The following DLGAP2 variants were observed in gnomAD, a reference collection of about 807,000 sequenced individuals.
DLGAP2 encodes the protein disks large-associated protein 2.
Under a neutral mutation model 100.3 loss-of-function variants are expected in DLGAP2, and 26 were observed. The observed-to-expected ratio is 0.26, with a 90% CI of 0.19 to 0.36. The LOEUF (loss-of-function observed/expected upper bound fraction) is 0.36. Among genes scored for constraint, DLGAP2 ranks in the 10% least tolerant of loss-of-function variants. DLGAP2 has a pLI of 1.00. For missense variants in DLGAP2, 1,858 were observed against 1,453.2 expected, an observed-to-expected ratio of 1.28 and a Z score of -4.53; for synonymous variants, 886 against 630.1, an observed-to-expected ratio of 1.41 and a Z score of -6.08.
In DLGAP2 at chr8:1,707,222, A is replaced by G. The variant is rs1033519334; in HGVS notation, c.*5816A>G. Reference sequence around the variant, plus strand: ...ATCCAAGCTTTCACCTACTCAATGGAGGAGAGGTGATAATGAATGAAAAGA... The same window carrying G: ...ATCCAAGCTTTCACCTACTCAATGGGGGAGAGGTGATAATGAATGAAAAGA... On this transcript the variant is annotated 3_prime_UTR_variant, in exon 15 of 15. Transcript: ENST00000637795. The G allele has an allele frequency of 6.6e-6, 1 of 152,582 alleles. No homozygotes were observed. The highest frequency in any genetic ancestry group is 2.4e-5 in the African/African-American group (1 of 41,428). 9.5% of individuals were successfully genotyped at this position (152,582 alleles called of 1,614,324 possible).
At chr8:748,961 G>A (rs1221199979) in intron 1 of DLGAP2, among the ~76,000 whole-genome samples, 26 of 152,200 alleles carry the variant, frequency 1.7e-4, no homozygotes, top group Non-Finnish European at 2.2e-4. Flanking sequence ...GTATCTGGTG[G>A]TATAACGGGA....
chr8:947,539 T>C (rs1350515397), intron 2 of DLGAP2, among the ~76,000 whole-genome samples: 1 of 152,216 alleles, frequency 6.6e-6, no homozygotes, highest in Admixed American at 6.5e-5. Context: ...TGCAGGTTGC[T>C]GATCCTGGAC....
intron 2 of DLGAP2, among the ~76,000 whole-genome samples, chr8:1,225,063 G>T (rs1297777067): frequency 6.6e-6 from 1 of 152,218 alleles, no homozygotes; most frequent in Non-Finnish European, 1.5e-5. Context: ...ACTTAAAATG[G>T]AAAAGAATGC....
intron 3 of DLGAP2, among the ~76,000 whole-genome samples, chr8:1,433,399 C>A (rs1195319198): frequency 6.6e-6 from 1 of 152,194 alleles, no homozygotes; most frequent in Non-Finnish European, 1.5e-5. Context: ...CAGGCACCCG[C>A]TGCGGTGGCC....
chr8:1,345,689 G>A (rs1801538523), intron 3 of DLGAP2, among the ~76,000 whole-genome samples: 1 of 152,226 alleles, frequency 6.6e-6, no homozygotes, highest in African/African-American at 2.4e-5. Flanking sequence ...TCAGGAAAAT[G>A]CACAGAGGGT....
intron 8 of DLGAP2, among the ~76,000 whole-genome samples, chr8:1,663,626 T>C (rs61159363): frequency 0.17 from 26,499 of 152,040 alleles, 4,082 homozygotes; most frequent in African/African-American, 0.42. Context: ...CCCCTTTCCC[T>C]TGCGCCCTGA....
intron 1 of DLGAP2, among the ~76,000 whole-genome samples, chr8:832,466 T>G (rs1186318499): frequency 1.3e-5 from 2 of 152,236 alleles, no homozygotes; most frequent in African/African-American, 4.8e-5. Flanking sequence ...CCTGCATTCT[T>G]CTGGATTCAT....
chr8:1,139,996 C>T (rs1796493646), intron 2 of DLGAP2, among the ~76,000 whole-genome samples: 2 of 152,188 alleles, frequency 1.3e-5, no homozygotes, highest in South Asian at 4.1e-4. Flanking sequence ...CTGCCCTCTC[C>T]ACTGTGCAGG....
intron 2 of DLGAP2, among the ~76,000 whole-genome samples, chr8:916,259 C>G (rs1438835703): frequency 6.6e-6 from 1 of 152,138 alleles, no homozygotes; most frequent in Admixed American, 6.5e-5. Context: ...ATGACAAAAC[C>G]CAAGGTTGAC....
intron 2 of DLGAP2, among the ~76,000 whole-genome samples, chr8:1,051,447 G>A (rs1802709210): frequency 6.6e-6 from 1 of 152,138 alleles, no homozygotes; most frequent in African/African-American, 2.4e-5. Flanking sequence ...GTCAGCACGT[G>A]GGGAGTGTGC....
At chr8:1,424,302 A>C (rs566957985) in intron 3 of DLGAP2, among the ~76,000 whole-genome samples, 1 of 152,386 alleles carries the variant, frequency 6.6e-6, no homozygotes, top group Admixed American at 6.5e-5. Flanking sequence ...TAAAGACAAC[A>C]GAGACTTATT....
In DLGAP2 at chr8:1,191,427, C is replaced by T. The variant is rs560283104; in HGVS notation, c.74-67424C>T. Among the ~76,000 whole-genome samples, 1,187 of 152,262 alleles carry T rather than the reference C, an allele frequency of 7.8e-3. 11 individuals carry two copies. Among genetic ancestry groups the T allele is most frequent in the Non-Finnish European group, 0.013 (869 of 68,006 alleles). On this transcript the variant is annotated intron_variant, in intron 2 of 14. Coordinates refer to ENST00000637795, the MANE Select transcript of DLGAP2 (RefSeq NM_001346810.2). Reference sequence around the variant, plus strand: ...CCTTGTGATCTGCCCGCCTCAGCCTCCCAAAGTGCGGGGATTATAGGCGTG... The same window carrying T: ...CCTTGTGATCTGCCCGCCTCAGCCTTCCAAAGTGCGGGGATTATAGGCGTG...
At chr8:1,678,774 A>G in intron 12 of DLGAP2, 145 bp downstream of exon 12, 1 of 841,222 alleles carries the variant, frequency 1.2e-6, no homozygotes, top group Middle Eastern at 3.7e-4. Flanking sequence ...TATCCCCCTC[A>G]ATTCTAAGAA....
chr8:1,570,194 G>A (rs1296919475), intron 6 of DLGAP2, among the ~76,000 whole-genome samples: 1 of 152,200 alleles, frequency 6.6e-6, no homozygotes, highest in East Asian at 1.9e-4. Context: ...ACAAGACCGG[G>A]GAGGCACATA....
chr8:759,910 C>T (rs1054830932), intron 1 of DLGAP2, among the ~76,000 whole-genome samples: 3 of 152,182 alleles, frequency 2.0e-5, no homozygotes, highest in Admixed American at 6.5e-5. Flanking sequence ...CCCAGCTTGC[C>T]GTGGAGAGAT....
intron 2 of DLGAP2, among the ~76,000 whole-genome samples, chr8:1,127,218 G>T (rs1226281579): frequency 7.9e-5 from 12 of 151,452 alleles, no homozygotes; most frequent in African/African-American, 2.4e-4. Flanking sequence ...CTCTTGCAGG[G>T]TTGCTGTGGC....
At chr8:1,384,932 G>A (rs1208920148) in intron 3 of DLGAP2, among the ~76,000 whole-genome samples, 3 of 58,858 alleles carry the variant, frequency 5.1e-5, no homozygotes, top group African/African-American at 6.4e-5. Context: ...GCCTATGCCC[G>A]TCCCCTGAGA....
rs1308628740 is a variant in DLGAP2, at chr8:1,373,248, G to T, written c.106+114365G>T. On this transcript the variant is annotated intron_variant, in intron 3 of 14. Coordinates refer to ENST00000637795, the MANE Select transcript of DLGAP2 (RefSeq NM_001346810.2). The stretch of plus-strand genomic sequence containing the variant: ...GTGCTGGAGAAAGCCACGCCCCTCG[G>T]GGGGAGGCGCCGCCGCCACGCGCGT... 4.0e-5 allele frequency among the ~76,000 whole-genome samples: 6 copies of T among 149,472 alleles called. No homozygotes were observed. In the South Asian group the frequency reaches 1.0e-3, roughly 26 times the overall value.
rs537637033 is a variant in DLGAP2 at position 867,503 on chromosome 8, G to C, written c.19-40409G>C. Among the ~76,000 whole-genome samples the C allele has an allele frequency of 2.5e-3, 377 of 152,304 alleles. 1 individual carries two copies. The highest frequency in any genetic ancestry group is 8.7e-3 in the African/African-American group (362 of 41,552). ...CCCAAACTAGTTGAGAACAAAAGGGGAACAGTGTTGTGATTATGTCATTAC... is the reference window on the plus strand; with the variant it reads ...CCCAAACTAGTTGAGAACAAAAGGGCAACAGTGTTGTGATTATGTCATTAC... On this transcript the variant is annotated intron_variant, in intron 1 of 14. Transcript: ENST00000637795.
Sources: allele counts gnomAD v4.1 joint callset (sites outside exome capture counted in the v4.1 genomes callset), GRCh38; gene constraint gnomAD v4.1.1; transcripts MANE v1.5; gene names NCBI Gene and HGNC (gene_info 2026-07-23, HGNC 2026-07-21).